Variants in CELF4 observed in about 807,000 individuals in gnomAD.
CELF4 encodes CUG-BP- and ETR-3-like factor 4.
CELF4 carries 18 observed loss-of-function variants against 59.9 expected under a neutral mutation model. The ratio of observed to expected loss-of-function variants is 0.30; its 90% confidence interval spans 0.21 to 0.45. The LOEUF is 0.45. Among genes scored for constraint, CELF4 ranks in the 20% least tolerant of loss-of-function variants. The pLI, the probability that CELF4 is intolerant of heterozygous loss-of-function variation, is 1.00. For synonymous variants in CELF4, 261 were observed against 267.1 expected, an observed-to-expected ratio of 0.98 and a Z score of 0.22; for missense variants, 456 against 689.0, an observed-to-expected ratio of 0.66 and a Z score of 3.79.
At chr18:37,365,297 A>T (rs1157443393) in intron 2 of CELF4, among the ~76,000 whole-genome samples, 1 of 152,108 alleles carries the variant, frequency 6.6e-6, no homozygotes, top group African/African-American at 2.4e-5. Context: ...TGGAGAGTTG[A>T]TTGAGCCCTT....
At chr18:37,511,407 A>T (rs2099944176) in intron 1 of CELF4, among the ~76,000 whole-genome samples, 1 of 152,016 alleles carries the variant, frequency 6.6e-6, no homozygotes, top group Non-Finnish European at 1.5e-5. Context: ...GTCAGCCCCA[A>T]AGTCCTTGGC....
chr18:37,343,329 C>CTGTGTGTGTGTGTGTGTGTGTG, intron 2 of CELF4, among the ~76,000 whole-genome samples: 1 of 127,050 alleles, frequency 7.9e-6, no homozygotes, highest in East Asian at 2.4e-4. Context: ...GGTGTTGATT[C>CTGTGTGTGTGTGTGTGTGTGTG]TGTGTGTGTG....
At chr18:37,353,060 A>C (rs1421230517) in intron 2 of CELF4, among the ~76,000 whole-genome samples, 1 of 151,828 alleles carries the variant, frequency 6.6e-6, no homozygotes, top group Non-Finnish European at 1.5e-5. Context: ...TCTCTACTAA[A>C]AATACAAAAA....
chr18:37,544,152 CTTTTT>C (rs5824075), intron 1 of CELF4, among the ~76,000 whole-genome samples: 1 of 137,982 alleles, frequency 7.2e-6, no homozygotes. Context: ...CTTTTACTTC[CTTTTT>C]TTTTTTTTTT....
intron 1 of CELF4, among the ~76,000 whole-genome samples, chr18:37,490,939 C>T (rs989699895): frequency 1.3e-5 from 2 of 152,134 alleles, no homozygotes; most frequent in Non-Finnish European, 2.9e-5. Context: ...CGCTTTCTGT[C>T]CCACCTCTTC....
At chr18:37,388,994 C>G (rs1177522813) in intron 2 of CELF4, among the ~76,000 whole-genome samples, 2 of 152,186 alleles carry the variant, frequency 1.3e-5, no homozygotes, top group Non-Finnish European at 2.9e-5. Flanking sequence ...GGAGGCACCA[C>G]CCAGCACCTC....
intron 10 of CELF4, among the ~76,000 whole-genome samples, chr18:37,261,703 C>G (rs2074606480): frequency 6.6e-6 from 1 of 152,262 alleles, no homozygotes; most frequent in South Asian, 2.1e-4. Flanking sequence ...GCGGCTACCC[C>G]TGACCACCTT....
chr18:37,283,151 G>A (rs916335546), intron 3 of CELF4, among the ~76,000 whole-genome samples: 3 of 151,868 alleles, frequency 2.0e-5, no homozygotes, highest in Non-Finnish European at 2.9e-5. Context: ...TGGAGTCCCC[G>A]TCACTTGCAC....
chr18:37,505,861 T>G (rs946033635), intron 1 of CELF4, among the ~76,000 whole-genome samples: 1 of 152,208 alleles, frequency 6.6e-6, no homozygotes, highest in South Asian at 2.1e-4. Flanking sequence ...CCTGTTGTGA[T>G]GCCATTAAGC....
intron 1 of CELF4, among the ~76,000 whole-genome samples, chr18:37,554,529 A>G (rs1392396759): frequency 1.3e-5 from 2 of 151,954 alleles, no homozygotes; most frequent in Non-Finnish European, 2.9e-5. Context: ...CAAAGGCATC[A>G]CCCGCCCCTC....
intron 2 of CELF4, among the ~76,000 whole-genome samples, chr18:37,351,130 A>G (rs1238238348): frequency 1.3e-5 from 2 of 151,392 alleles, no homozygotes; most frequent in Non-Finnish European, 2.9e-5. Flanking sequence ...GGGGGCTGGA[A>G]GGGAGGGGCT....
intron 2 of CELF4, among the ~76,000 whole-genome samples, chr18:37,380,142 C>G (rs1332751999): frequency 6.6e-6 from 1 of 152,166 alleles, no homozygotes; most frequent in African/African-American, 2.4e-5. Flanking sequence ...GGCTGGCACT[C>G]CCAATGCTGT....
At chr18:37,462,062 A>G (rs563762170) in intron 2 of CELF4, among the ~76,000 whole-genome samples, 25 of 152,330 alleles carry the variant, frequency 1.6e-4, no homozygotes, top group African/African-American at 6.0e-4. Context: ...GGTCTACAGC[A>G]AATGGGTGGC....
chr18:37,347,866 G>A (rs1188076007), intron 2 of CELF4, among the ~76,000 whole-genome samples: 1 of 152,146 alleles, frequency 6.6e-6, no homozygotes, highest in African/African-American at 2.4e-5. Context: ...CTGTGTCCTT[G>A]GATTAAGGCT....
chr18:37,257,400 G>A (rs1189001883), intron 11 of CELF4, among the ~76,000 whole-genome samples: 1 of 152,210 alleles, frequency 6.6e-6, no homozygotes. Flanking sequence ...ATACCAAAGA[G>A]TGGAGGACTG....
At chr18:37,282,867 C>T (rs1219449596) in intron 3 of CELF4, among the ~76,000 whole-genome samples, 1 of 152,200 alleles carries the variant, frequency 6.6e-6, no homozygotes, top group East Asian at 1.9e-4. Context: ...GAGCTACACA[C>T]TCCCCTTCCC....
chr18:37,431,983 C>A (rs1020185600), intron 2 of CELF4, among the ~76,000 whole-genome samples: 2 of 152,192 alleles, frequency 1.3e-5, no homozygotes, highest in Non-Finnish European at 2.9e-5. Flanking sequence ...CCACCTTGAA[C>A]ACTTAATTTT....
chr18:37,554,485 C>T (rs748240477), intron 1 of CELF4, among the ~76,000 whole-genome samples: 4 of 152,142 alleles, frequency 2.6e-5, no homozygotes, highest in Non-Finnish European at 4.4e-5. Flanking sequence ...CCCATTCCAG[C>T]GACAGGCCCC....
At chr18:37,381,275 TA>T (rs1257407786) in intron 2 of CELF4, among the ~76,000 whole-genome samples, 5 of 152,212 alleles carry the variant, frequency 3.3e-5, no homozygotes, top group African/African-American at 1.2e-4. Flanking sequence ...GTAAAGAATG[TA>T]AGCAATCTAT....
Sources: allele counts gnomAD v4.1 joint callset (sites outside exome capture counted in the v4.1 genomes callset), GRCh38; gene constraint gnomAD v4.1.1; transcripts MANE v1.5; gene names NCBI Gene and HGNC (gene_info 2026-07-23, HGNC 2026-07-21).